The following TRAF3 variants were observed in gnomAD, a reference collection of about 807,000 sequenced individuals.
TRAF3 encodes TNF receptor associated factor 3.
A neutral mutation model predicts 62.3 loss-of-function variants in TRAF3; 13 were observed. The observed-to-expected ratio is 0.21, with a 90% CI of 0.14 to 0.33. The LOEUF (loss-of-function observed/expected upper bound fraction) is 0.33, where lower values mean the gene tolerates loss of function less well. Ranked by LOEUF, TRAF3 falls within the 10% of genes least tolerant of loss-of-function variation. The pLI, the probability that TRAF3 is intolerant of heterozygous loss-of-function variation, is 1.00. For synonymous variants in TRAF3, 269 were observed against 283.4 expected (o/e 0.95, Z 0.51); for missense variants, 440 against 741.8 (o/e 0.59, Z 4.73).
chr14:102,829,972 G>T (rs1204238902), intron 1 of TRAF3, among the ~76,000 whole-genome samples: 1 of 152,196 alleles, frequency 6.6e-6, no homozygotes, highest in East Asian at 1.9e-4. Context: ...TCTACAGAAA[G>T]ATAAAATAAA....
intron 2 of TRAF3, among the ~76,000 whole-genome samples, chr14:102,841,696 G>T (rs73361278): frequency 0.04 from 6,060 of 152,214 alleles, 390 homozygotes; most frequent in African/African-American, 0.14. Context: ...AAAAGAAATT[G>T]TGTCTAGCAT....
intron 1 of TRAF3, among the ~76,000 whole-genome samples, chr14:102,827,196 C>T (rs527376957): frequency 7.9e-5 from 12 of 152,212 alleles, no homozygotes; most frequent in Non-Finnish European, 1.0e-4. Flanking sequence ...GAGGTGCACT[C>T]GGGCCCGGGT....
chr14:102,882,855 T>C (rs1889148854), intron 6 of TRAF3, among the ~76,000 whole-genome samples: 2 of 152,242 alleles, frequency 1.3e-5, no homozygotes, highest in African/African-American at 2.4e-5. Flanking sequence ...ATTATTACTT[T>C]TTAAATTTAT....
At chr14:102,848,605 C>T (rs1373904511) in intron 2 of TRAF3, among the ~76,000 whole-genome samples, 1 of 152,196 alleles carries the variant, frequency 6.6e-6, no homozygotes, top group Admixed American at 6.5e-5. Context: ...TAGTACCATT[C>T]AATTTTCTCC....
chr14:102,797,089 G>T (rs1483415197), intron 1 of TRAF3, among the ~76,000 whole-genome samples: 1 of 152,212 alleles, frequency 6.6e-6, no homozygotes, highest in African/African-American at 2.4e-5. Context: ...AAGGGCCAGG[G>T]GGCAGCATCA....
intron 3 of TRAF3, among the ~76,000 whole-genome samples, chr14:102,871,613 A>G (rs911507852): frequency 1.3e-5 from 2 of 152,346 alleles, no homozygotes; most frequent in South Asian, 2.1e-4. Context: ...CTCTGCAGAC[A>G]GCTAGCTTTG....
intron 1 of TRAF3, among the ~76,000 whole-genome samples, chr14:102,783,793 C>T (rs564213517): frequency 9.9e-5 from 15 of 152,236 alleles, no homozygotes; most frequent in African/African-American, 1.7e-4. Context: ...ATCTGAATTC[C>T]AGTCTGCCCT....
rs1889693890 is a variant in TRAF3 at position 102,891,223 on chromosome 14, C to T, written c.727-102C>T. The stretch of plus-strand genomic sequence containing the variant: ...TGTTCACTTGACGCAAATAGGTCTC[C>T]CCTCTTTGTGTTTAGTGCTGCTTTT... On this transcript the variant is annotated intron_variant, in intron 8 of 11. Coordinates refer to ENST00000392745, the MANE Select transcript of TRAF3 (RefSeq NM_145725.3). 1.0e-5 allele frequency: 11 copies of T among 1,086,510 alleles called. No individual in the cohort carries two copies. The East Asian group carries it at 2.9e-4, about 29-fold the overall frequency. The allele number at this position is 1,086,510 out of a possible 1,614,324, so 67.3% of individuals were successfully genotyped here.
chr14:102,840,259 A>G (rs545525172), intron 2 of TRAF3, among the ~76,000 whole-genome samples: 9 of 152,288 alleles, frequency 5.9e-5, no homozygotes, highest in East Asian at 3.9e-4. Flanking sequence ...GTCTTGCTCT[A>G]TTGCCCAGGC....
chr14:102,780,796 C>T (rs147180378), intron 1 of TRAF3, among the ~76,000 whole-genome samples: 89 of 152,222 alleles, frequency 5.8e-4, no homozygotes, highest in Non-Finnish European at 8.7e-4. Flanking sequence ...AGACACAGCA[C>T]CCATCTGCTA....
chr14:102,884,889 A>G (rs1219269462), intron 6 of TRAF3, among the ~76,000 whole-genome samples: 1 of 151,956 alleles, frequency 6.6e-6, no homozygotes, highest in Non-Finnish European at 1.5e-5. Flanking sequence ...CACTCACCCC[A>G]TTTTTTTACC....
In TRAF3 at chr14:102,905,972, C is replaced by T; in HGVS notation, c.*188C>T. 1 of 535,892 alleles carries T rather than the reference C, an allele frequency of 1.9e-6. No individual in the cohort carries two copies. Among genetic ancestry groups the T allele is most frequent in the Middle Eastern group, 4.8e-4 (1 of 2,076 alleles). 33.2% of individuals were successfully genotyped at this position (535,892 alleles called of 1,614,324 possible). A position where few individuals can be genotyped will look rare whatever the true frequency, so the allele number is the denominator to read the frequency against. On this transcript the variant is annotated 3_prime_UTR_variant, in exon 12 of 12. Coordinates refer to ENST00000392745, the MANE Select transcript of TRAF3 (RefSeq NM_145725.3). ...CTGACACGTTTTATAATAGACTAGC[C>T]ACACTTCACTCTGAAGAATTATTTA...
intron 2 of TRAF3, among the ~76,000 whole-genome samples, chr14:102,847,977 C>A (rs990882081): frequency 6.6e-6 from 1 of 152,110 alleles, no homozygotes; most frequent in Non-Finnish European, 1.5e-5. Flanking sequence ...TGGCCTGCAT[C>A]TCTTTGTCCA....
intron 1 of TRAF3, among the ~76,000 whole-genome samples, chr14:102,782,878 G>T (rs2140056329): frequency 1.3e-5 from 2 of 152,242 alleles, no homozygotes. Context: ...TCTTTAAGTG[G>T]AAAGAAAAGC....
chr14:102,811,913 C>CTTTT (rs71119743), intron 1 of TRAF3, among the ~76,000 whole-genome samples: 7,759 of 46,788 alleles, frequency 0.17, 2,654 homozygotes, highest in Non-Finnish European at 0.22. Context: ...ATGCCTGGCC[C>CTTTT]TTTTTTTTTT....
chr14:102,866,800 G>A (rs1364262708), intron 2 of TRAF3, among the ~76,000 whole-genome samples: 1 of 150,308 alleles, frequency 6.7e-6, no homozygotes, highest in East Asian at 2.0e-4. Context: ...AGCCATGATG[G>A]CACCACTATA....
At position 102,870,453 on chromosome 14, in the gene TRAF3, GCC is replaced by G; in HGVS notation, c.245+9_245+10del. The G allele has an allele frequency of 1.2e-6, 2 of 1,612,482 alleles. No homozygotes were observed. Among genetic ancestry groups the G allele is most frequent in the South Asian group, 2.2e-5 (2 of 90,976 alleles). On this transcript the variant is annotated splice_region_variant and intron_variant, in intron 3 of 11. Transcript: ENST00000392745. Reference sequence around the variant, plus strand: ...GCATGGCGGCCCTGCTGAGGTAGGCGCCCTCGCCCGGCCCGTCGCCCGGCCCC... The same window carrying G: ...GCATGGCGGCCCTGCTGAGGTAGGCGCTCGCCCGGCCCGTCGCCCGGCCCC...
chr14:102,832,254 T>C (rs1044608763), intron 2 of TRAF3, among the ~76,000 whole-genome samples: 40 of 152,232 alleles, frequency 2.6e-4, no homozygotes, highest in Non-Finnish European at 4.6e-4. Context: ...ATTTTTTCTT[T>C]CTTTTAAACA....
chr14:102,841,770 C>T (rs1886386272), intron 2 of TRAF3, among the ~76,000 whole-genome samples: 1 of 152,016 alleles, frequency 6.6e-6, no homozygotes, highest in African/African-American at 2.4e-5. Context: ...GGAAGAAAAT[C>T]AAGAGAAACA....
Sources: allele counts gnomAD v4.1 joint callset (sites outside exome capture counted in the v4.1 genomes callset), GRCh38; gene constraint gnomAD v4.1.1; transcripts MANE v1.5; gene names NCBI Gene and HGNC (gene_info 2026-07-23, HGNC 2026-07-21).